The following HSDL1 variants were observed in gnomAD, a reference collection of about 807,000 sequenced individuals.
HSDL1 encodes the protein hydroxysteroid dehydrogenase like 1.
In HSDL1, 29 loss-of-function variants were observed where a neutral mutation model predicts 31.5. That is an observed-to-expected ratio of 0.92 (90% CI 0.69 to 1.26). The LOEUF (loss-of-function observed/expected upper bound fraction) is 1.26. Among genes scored for constraint, HSDL1 ranks in the 50% most tolerant of loss-of-function variants. The pLI is 0.00. For synonymous variants in HSDL1, 222 were observed against 155.2 expected, an observed-to-expected ratio of 1.43 and a Z score of -3.20; for missense variants, 503 against 416.6, an observed-to-expected ratio of 1.21 and a Z score of -1.81.
intron 5 of HSDL1, 52 bp downstream of exon 5, chr16:84,129,496 G>C (rs180687146): frequency 9.6e-6 from 12 of 1,246,018 alleles, no homozygotes; most frequent in Non-Finnish European, 1.4e-5. Context: ...GTATCACTGA[G>C]ATAGGTTCAT....
In HSDL1 at chr16:84,122,370, T is replaced by A. The variant is rs1384401491; in HGVS notation, c.*2260A>T. On this transcript the variant is annotated 3_prime_UTR_variant, in exon 6 of 6. Coordinates refer to ENST00000219439, the MANE Select transcript of HSDL1 (RefSeq NM_031463.5). ...GTTCATATTTCCCACGTTCTTTTTT[T>A]TTTTTTGAGACAGGGTCTCGCTCTG... 1.3e-5 allele frequency: 2 copies of A among 152,454 alleles called. No individual in the cohort carries two copies. Among genetic ancestry groups the A allele is most frequent in the Non-Finnish European group, 2.9e-5 (2 of 67,992 alleles). The allele number at this position is 152,454 out of a possible 1,614,324, so 9.4% of individuals were successfully genotyped here. A position where few individuals can be genotyped will look rare whatever the true frequency, so the allele number is the denominator to read the frequency against.
At chr16:84,137,089 ACAC>A (rs1014689208) in intron 1 of HSDL1, among the ~76,000 whole-genome samples, 2 of 152,344 alleles carry the variant, frequency 1.3e-5, no homozygotes, top group African/African-American at 4.8e-5. Context: ...GAGACTGAGG[ACAC>A]CATCATGAAT....
At position 84,129,974 on chromosome 16, in the gene HSDL1, G is replaced by T. The variant is rs761751782; in HGVS notation, c.666+12C>A. On this transcript the variant is annotated intron_variant, in intron 4 of 5. Transcript: ENST00000219439. Reference sequence around the variant, plus strand: ...GCATTAGGATTTCATCTTCCAGTAAGTAACATCTGACCTTAGAAGCAGAAA... The same window carrying T: ...GCATTAGGATTTCATCTTCCAGTAATTAACATCTGACCTTAGAAGCAGAAA... 98 of 1,606,682 alleles carry T rather than the reference G, an allele frequency of 6.1e-5. No individual in the cohort carries two copies. Among genetic ancestry groups the T allele is most frequent in the Non-Finnish European group, 7.6e-5 (89 of 1,175,454 alleles).
chr16:84,143,290 TAC>T (rs2151193600), intron 1 of HSDL1, among the ~76,000 whole-genome samples: 1 of 152,334 alleles, frequency 6.6e-6, no homozygotes, highest in East Asian at 1.9e-4. Flanking sequence ...GAAGTACTGA[TAC>T]ATACTACAAC....
rs111408078 is a variant in HSDL1, at chr16:84,138,949, G to A, written c.-68-3344C>T. On this transcript the variant is annotated intron_variant, in intron 1 of 5. Transcript: ENST00000219439. ...GGGACTCCACCTAGCAGTGTAAAGGGCAATCAACTCAAATAGAAAAACCTT... is the reference window on the plus strand; with the variant it reads ...GGGACTCCACCTAGCAGTGTAAAGGACAATCAACTCAAATAGAAAAACCTT... Among the ~76,000 whole-genome samples the A allele has an allele frequency of 7.2e-3, 1,092 of 152,278 alleles. 14 individuals carry two copies. Among genetic ancestry groups the A allele is most frequent in the African/African-American group, 0.025 (1,040 of 41,548 alleles).
At chr16:84,135,495 G>A (rs2086704213) in intron 2 of HSDL1, 49 bp downstream of exon 2, 1 of 152,014 alleles carries the variant, frequency 6.6e-6, no homozygotes, top group Non-Finnish European at 1.5e-5. Flanking sequence ...ACCACAAAGG[G>A]GGCCCCAGTT....
At chr16:84,129,295 G>A (rs982706984) in intron 5 of HSDL1, among the ~76,000 whole-genome samples, 10 of 151,970 alleles carry the variant, frequency 6.6e-5, no homozygotes, top group African/African-American at 2.4e-4. Flanking sequence ...CAGGAGAATG[G>A]CATGAACCCG....
At chr16:84,129,526 G>C (rs771663046) in intron 5 of HSDL1, 22 bp downstream of exon 5, 1 of 1,529,684 alleles carries the variant, frequency 6.5e-7, no homozygotes, top group Non-Finnish European at 9.1e-7. Flanking sequence ...ATCTAATTAT[G>C]AGACCTGAAG....
At chr16:84,140,161 A>G (rs1342866876) in intron 1 of HSDL1, among the ~76,000 whole-genome samples, 3 of 152,130 alleles carry the variant, frequency 2.0e-5, no homozygotes, top group African/African-American at 4.8e-5. Context: ...TTTGGATTCT[A>G]TTTAAACACT....
intron 1 of HSDL1, among the ~76,000 whole-genome samples, chr16:84,137,060 T>C (rs954469671): frequency 1.3e-5 from 2 of 152,100 alleles, no homozygotes; most frequent in African/African-American, 4.8e-5. Context: ...AGAACAGCAA[T>C]GAAAAATACA....
At position 84,124,493 on chromosome 16, in the gene HSDL1, GT is replaced by G. The variant is rs150036808; in HGVS notation, c.*136del. 389 of 633,324 alleles carry G rather than the reference GT, an allele frequency of 6.1e-4. No individual in the cohort carries two copies. In the African/African-American group the frequency reaches 6.2e-3, roughly 10 times the overall value. The allele number at this position is 633,324 out of a possible 1,614,324, so 39.2% of individuals were successfully genotyped here. ...ACAGCACTCTGACGGTATTATGTGT[GT>G]TTTGCAAATGACGAATCAACAGTAT... On this transcript the variant is annotated 3_prime_UTR_variant, in exon 6 of 6. Transcript: ENST00000219439.
rs372831356 is a variant in HSDL1, at chr16:84,141,628, G to T, written c.-69+3452C>A. Among the ~76,000 whole-genome samples the T allele has an allele frequency of 3.3e-5, 5 of 152,364 alleles. No homozygotes were observed. The East Asian group carries it at 5.8e-4, about 18-fold the overall frequency. ...CCCATTCACACTCCCGCCAGCAGCA[G>T]GTTCGTGCCACTCCTCAATGTCACT... On this transcript the variant is annotated intron_variant, in intron 1 of 5. Transcript: ENST00000219439.
intron 1 of HSDL1, among the ~76,000 whole-genome samples, chr16:84,144,721 G>T (rs943302755): frequency 6.6e-6 from 1 of 151,886 alleles, no homozygotes; most frequent in Non-Finnish European, 1.5e-5. Flanking sequence ...CGGCGACAAC[G>T]GGGTTCGCGG....
chr16:84,127,209 CTTTTTT>C (rs71148881), intron 5 of HSDL1, among the ~76,000 whole-genome samples: 7 of 93,396 alleles, frequency 7.5e-5, no homozygotes, highest in Admixed American at 1.2e-4. Context: ...ACTGTTTCTT[CTTTTTT>C]TTTTTTTTTT....
chr16:84,128,761 G>A (rs1017092006), intron 5 of HSDL1, among the ~76,000 whole-genome samples: 3 of 151,134 alleles, frequency 2.0e-5, no homozygotes, highest in Admixed American at 1.3e-4. Flanking sequence ...AGGCTGGAGT[G>A]CAGTAGCGTG....
At chr16:84,141,090 C>CAAAAAAAAAA (rs553224060) in intron 1 of HSDL1, among the ~76,000 whole-genome samples, 1 of 136,152 alleles carries the variant, frequency 7.3e-6, no homozygotes, top group African/African-American at 3.6e-5. Flanking sequence ...GACTCCGTCT[C>CAAAAAAAAAA]AAACAAAAAA....
At chr16:84,133,296 G>T (rs936253077) in intron 2 of HSDL1, among the ~76,000 whole-genome samples, 3 of 152,102 alleles carry the variant, frequency 2.0e-5, no homozygotes, top group African/African-American at 2.4e-5. Context: ...ACTGAAAACT[G>T]AAGAAATGGA....
intron 5 of HSDL1, among the ~76,000 whole-genome samples, chr16:84,127,900 T>C (rs538226988): frequency 1.3e-5 from 2 of 151,474 alleles, no homozygotes; most frequent in African/African-American, 4.8e-5. Flanking sequence ...TTTGTATTTT[T>C]AATAGAGACG....
chr16:84,139,568 C>A (rs1053905891), intron 1 of HSDL1, among the ~76,000 whole-genome samples: 16 of 152,178 alleles, frequency 1.1e-4, no homozygotes, highest in Non-Finnish European at 1.9e-4. Flanking sequence ...ATTCCCATCT[C>A]CAGAAGGAAG....
Sources: gnomAD v4.1 joint callset for allele counts (sites outside exome capture counted in the v4.1 genomes callset) on GRCh38, gnomAD v4.1.1 for gene constraint, MANE v1.5 for transcripts, NCBI Gene and HGNC (gene_info 2026-07-23, HGNC 2026-07-21) for gene names.